The following SPAST variants were observed in gnomAD, a reference collection of about 807,000 sequenced individuals.
SPAST encodes the protein spastic paraplegia 4 (autosomal dominant; spastin).
Under a neutral mutation model 76.6 loss-of-function variants are expected in SPAST, and 30 were observed. That is an observed-to-expected ratio of 0.39 (90% confidence interval 0.29 to 0.53). SPAST has a LOEUF of 0.53. SPAST is among the 20% of genes least tolerant of loss of function. The pLI is 0.68. For synonymous variants in SPAST, 305 were observed against 281.0 expected, an observed-to-expected ratio of 1.09 and a Z score of -0.86; for missense variants, 717 against 770.5, an observed-to-expected ratio of 0.93 and a Z score of 0.82.
At chr2:32,131,023 A>G (rs1679353797) in intron 9 of SPAST, among the ~76,000 whole-genome samples, 2 of 152,236 alleles carry the variant, frequency 1.3e-5, no homozygotes, top group African/African-American at 2.4e-5. Flanking sequence ...CATGTTGACC[A>G]TAGTTGTTAT....
intron 1 of SPAST, among the ~76,000 whole-genome samples, chr2:32,072,710 C>T (rs898410756): frequency 6.6e-6 from 1 of 152,026 alleles, no homozygotes; most frequent in African/African-American, 2.4e-5. Context: ...TTAAAACTCA[C>T]GTATAAAATA....
At chr2:32,138,172 T>C (rs1014120034) in intron 12 of SPAST, among the ~76,000 whole-genome samples, 3 of 152,242 alleles carry the variant, frequency 2.0e-5, no homozygotes, top group African/African-American at 4.8e-5. Flanking sequence ...TTTGGGTATA[T>C]ACCCAGTAAT....
intron 1 of SPAST, among the ~76,000 whole-genome samples, chr2:32,068,848 C>G (rs1053740319): frequency 4.0e-5 from 6 of 150,578 alleles, no homozygotes; most frequent in Non-Finnish European, 7.4e-5. Flanking sequence ...GAGCTGAGAT[C>G]TCACCCATTG....
chr2:32,078,847 A>G (rs1025521740), intron 1 of SPAST, among the ~76,000 whole-genome samples: 2 of 152,058 alleles, frequency 1.3e-5, no homozygotes, highest in East Asian at 1.9e-4. Context: ...TCATTTCAAT[A>G]TATTTGATCT....
intron 1 of SPAST, among the ~76,000 whole-genome samples, chr2:32,079,102 A>G (rs1008134727): frequency 6.6e-6 from 1 of 152,038 alleles, no homozygotes; most frequent in Non-Finnish European, 1.5e-5. Flanking sequence ...CAGCCTCCCG[A>G]AGTGTTGAGA....
intron 4 of SPAST, among the ~76,000 whole-genome samples, chr2:32,109,818 A>T (rs1490558022): frequency 6.7e-6 from 1 of 149,180 alleles, no homozygotes; most frequent in Non-Finnish European, 1.5e-5. Flanking sequence ...ACACACATAC[A>T]TATATAGTTA....
At chr2:32,084,590 G>A (rs1558620797) in intron 1 of SPAST, among the ~76,000 whole-genome samples, 1 of 151,824 alleles carries the variant, frequency 6.6e-6, no homozygotes, top group East Asian at 1.9e-4. Flanking sequence ...CTTAATAATA[G>A]AAAAAATGGT....
chr2:32,104,788 C>T (rs555390212), intron 4 of SPAST, among the ~76,000 whole-genome samples: 1 of 152,212 alleles, frequency 6.6e-6, no homozygotes, highest in South Asian at 2.1e-4. Context: ...CCCCCACTCT[C>T]TTCTGGTTTT....
intron 1 of SPAST, among the ~76,000 whole-genome samples, chr2:32,075,858 G>C (rs896235092): frequency 4.5e-5 from 3 of 66,048 alleles, no homozygotes; most frequent in African/African-American, 1.6e-4. Context: ...CAGACTCCTG[G>C]CTTTTTTTTT....
At chr2:32,110,004 A>G (rs1678480858) in intron 4 of SPAST, among the ~76,000 whole-genome samples, 1 of 148,734 alleles carries the variant, frequency 6.7e-6, no homozygotes, top group Non-Finnish European at 1.5e-5. Flanking sequence ...TAGTTATATC[A>G]AAATAACTAT....
intron 14 of SPAST, among the ~76,000 whole-genome samples, chr2:32,143,951 T>G (rs1309019830): frequency 3.3e-5 from 5 of 152,224 alleles, no homozygotes; most frequent in African/African-American, 1.2e-4. Context: ...TGAATACTTT[T>G]CAGCTCTTTT....
intron 4 of SPAST, among the ~76,000 whole-genome samples, chr2:32,101,909 G>A (rs529611248): frequency 7.9e-5 from 12 of 152,252 alleles, no homozygotes; most frequent in African/African-American, 2.6e-4. Flanking sequence ...CAGGTAGCAC[G>A]ATGCCTCCAG....
intron 9 of SPAST, among the ~76,000 whole-genome samples, chr2:32,131,004 C>T (rs193068143): frequency 6.6e-6 from 1 of 152,292 alleles, no homozygotes; most frequent in East Asian, 1.9e-4. Context: ...TGAGTTAAAG[C>T]AAACTTGACA....
intron 6 of SPAST, 40 bp from the exon 7 acceptor site, chr2:32,116,079 C>G (rs748138371): frequency 7.1e-7 from 1 of 1,408,546 alleles, no homozygotes; most frequent in Non-Finnish European, 1.0e-6. Flanking sequence ...TAACTGGGCC[C>G]TGTTTGTATC....
At chr2:32,072,678 A>G (rs1676800074) in intron 1 of SPAST, among the ~76,000 whole-genome samples, 2 of 152,288 alleles carry the variant, frequency 1.3e-5, no homozygotes, top group Admixed American at 6.5e-5. Context: ...ATAATTCTAT[A>G]TAATTCAATA....
At chr2:32,152,192 C>G (rs1054211426) in intron 16 of SPAST, among the ~76,000 whole-genome samples, 2 of 152,116 alleles carry the variant, frequency 1.3e-5, no homozygotes, top group Admixed American at 6.6e-5. Context: ...TAGTCTCTTA[C>G]GTTAAAATAT....
At chr2:32,076,416 C>G (rs1007694733) in intron 1 of SPAST, among the ~76,000 whole-genome samples, 1 of 151,964 alleles carries the variant, frequency 6.6e-6, no homozygotes, top group African/African-American at 2.4e-5. Flanking sequence ...GACACAGGGT[C>G]CTACTGTATT....
chr2:32,132,518 C>T (rs1343373092), intron 9 of SPAST, among the ~76,000 whole-genome samples: 2 of 145,964 alleles, frequency 1.4e-5, no homozygotes, highest in East Asian at 2.2e-4. Flanking sequence ...CTTGATTTAA[C>T]AAAACTCAAT....
intron 13 of SPAST, among the ~76,000 whole-genome samples, chr2:32,142,453 C>T (rs377342784): frequency 2.0e-5 from 3 of 152,180 alleles, no homozygotes; most frequent in East Asian, 1.9e-4. Context: ...CTTGCTCTGT[C>T]GCTCAGGCTG....
Sources: allele counts gnomAD v4.1 joint callset (sites outside exome capture counted in the v4.1 genomes callset), GRCh38; gene constraint gnomAD v4.1.1; transcripts MANE v1.5; gene names NCBI Gene and HGNC (gene_info 2026-07-23, HGNC 2026-07-21).